The following DPYD variants were observed in gnomAD, a reference collection of about 807,000 sequenced individuals.
DPYD encodes the protein dihydropyrimidine dehydrogenase.
Under a neutral mutation model 116.2 loss-of-function variants are expected in DPYD, and 109 were observed. That is an observed-to-expected ratio of 0.94 (90% confidence interval 0.80 to 1.10). DPYD has a LOEUF of 1.10. Among genes scored for constraint, DPYD ranks in the 50% least tolerant of loss-of-function variants. The pLI is 0.00. For missense variants in DPYD, 1,302 were observed against 1,254.5 expected (o/e 1.04, Z -0.57); for synonymous variants, 440 against 432.0 (o/e 1.02, Z -0.23).
chr1:97,257,124 C>T (rs528873047), intron 18 of DPYD, among the ~76,000 whole-genome samples: 2 of 151,800 alleles, frequency 1.3e-5, no homozygotes, highest in South Asian at 2.1e-4. Context: ...TTGATTAGAA[C>T]ATTTGGCATT....
rs570832223 is a variant in DPYD, at chr1:97,888,236, G to T, written c.40-4862C>A. On this transcript the variant is annotated intron_variant, in intron 1 of 22. Coordinates refer to ENST00000370192, the MANE Select transcript of DPYD (RefSeq NM_000110.4). ...AATAGCTGATATGAAACATTCACTA[G>T]AGTTCAATAGTAGATTTGAACTAGC... Among the ~76,000 whole-genome samples, 7 of 152,112 alleles carry T rather than the reference G, an allele frequency of 4.6e-5. No individual in the cohort carries two copies. The East Asian group carries it at 7.8e-4, about 17-fold the overall frequency.
intron 16 of DPYD, among the ~76,000 whole-genome samples, chr1:97,367,539 C>G (rs1671100233): frequency 6.6e-6 from 1 of 152,050 alleles, no homozygotes; most frequent in South Asian, 2.1e-4. Flanking sequence ...AAATTCTATG[C>G]ATAGAATTGA....
chr1:97,685,994 T>C (rs549206203), intron 7 of DPYD, among the ~76,000 whole-genome samples: 1 of 152,252 alleles, frequency 6.6e-6, no homozygotes, highest in South Asian at 2.1e-4. Context: ...AAAATTCATA[T>C]GGAACCAAAA....
At chr1:97,271,969 C>T (rs891134755) in intron 18 of DPYD, among the ~76,000 whole-genome samples, 5 of 152,110 alleles carry the variant, frequency 3.3e-5, no homozygotes, top group Non-Finnish European at 5.9e-5. Flanking sequence ...TAATTGCTAG[C>T]CTCTTTCTGA....
intron 18 of DPYD, among the ~76,000 whole-genome samples, chr1:97,254,444 G>GA (rs981913749): frequency 6.0e-5 from 9 of 149,582 alleles, no homozygotes; most frequent in South Asian, 2.1e-4. Context: ...TTAGATTTCT[G>GA]AAAAAAAAAC....
At chr1:97,889,809 C>T (rs950074622) in intron 1 of DPYD, among the ~76,000 whole-genome samples, 2 of 151,916 alleles carry the variant, frequency 1.3e-5, no homozygotes, top group Admixed American at 1.3e-4. Context: ...ACATTCTTCT[C>T]AACTCTATAT....
chr1:97,110,806 T>C (rs929023943), intron 20 of DPYD, among the ~76,000 whole-genome samples: 6 of 152,100 alleles, frequency 3.9e-5, no homozygotes, highest in Non-Finnish European at 8.8e-5. Flanking sequence ...GGCCACATTT[T>C]TGTTTGTGCT....
intron 18 of DPYD, 149 bp from the exon 19 acceptor site, chr1:97,235,143 G>A: frequency 1.2e-6 from 1 of 857,022 alleles, no homozygotes; most frequent in Non-Finnish European, 1.8e-6. Flanking sequence ...TACATATGTA[G>A]TGTATAAATG....
intron 8 of DPYD, among the ~76,000 whole-genome samples, chr1:97,664,439 G>A (rs535091683): frequency 6.6e-6 from 1 of 151,734 alleles, no homozygotes; most frequent in East Asian, 1.9e-4. Context: ...TTAAACTATA[G>A]CTTAAAGTAC....
intron 14 of DPYD, among the ~76,000 whole-genome samples, chr1:97,406,790 A>T (rs1673684070): frequency 6.6e-6 from 1 of 152,142 alleles, no homozygotes. Flanking sequence ...TATTGATATT[A>T]ATCTACAATA....
Position 97,192,011 on chromosome 1 carries a change from C to T in DPYD, c.2622+1058G>A, listed in dbSNP as rs570655419. 2.0e-5 allele frequency among the ~76,000 whole-genome samples: 3 copies of T among 152,252 alleles called. No individual in the cohort carries two copies. The South Asian group carries it at 6.2e-4, about 32-fold the overall frequency. ...GATTGCCACTCATGGAGTCATTCATCATGACATTTTCCTGGAACCCACATT... is the reference window on the plus strand; with the variant it reads ...GATTGCCACTCATGGAGTCATTCATTATGACATTTTCCTGGAACCCACATT... On this transcript the variant is annotated intron_variant, in intron 20 of 22. Transcript: ENST00000370192.
rs566916197 is a variant in DPYD, at chr1:97,736,802, C to T, written c.321+3590G>A. ...CTCTGCAGGATTATGGCTTGTGTAC[C>T]CTCTAGGAATATAACAGAGATAGAG... On this transcript the variant is annotated intron_variant, in intron 4 of 22. Transcript: ENST00000370192. 1.2e-3 allele frequency among the ~76,000 whole-genome samples: 186 copies of T among 151,108 alleles called. No homozygotes were observed. In the Middle Eastern group the frequency reaches 0.024, roughly 19 times the overall value.
In DPYD at chr1:97,234,874, T is replaced by G. The variant is rs1335150891; in HGVS notation, c.2420A>C (p.His807Pro). Reference sequence around the variant, plus strand: ...TACCTGGAGGACGGAAGCACCACTATGGAGAAACTGAAGACCACTTTCAGC... The same window carrying G: ...TACCTGGAGGACGGAAGCACCACTAGGGAGAAACTGAAGACCACTTTCAGC... ...DSAESGLQFL[H>P]SGASVLQVCS... Residue 807 changes from histidine to proline, a missense_variant, in exon 19 of 23, where the codon CAT becomes CCT. His to Pro is a moderately conservative substitution (Grantham distance 77, BLOSUM62 -2). Coordinates refer to ENST00000370192, the MANE Select transcript of DPYD (RefSeq NM_000110.4). 1 of 1,613,806 alleles carries G rather than the reference T, an allele frequency of 6.2e-7. No homozygotes were observed. The highest frequency in any genetic ancestry group is 8.5e-7 in the Non-Finnish European group (1 of 1,179,962).
rs544122783 is a variant in DPYD, at chr1:97,171,511, G to A, written c.2622+21558C>T. On this transcript the variant is annotated intron_variant, in intron 20 of 22. Transcript: ENST00000370192. ...GTGGTAGAATGTAGTAGGCAAGTGC[G>A]GAGGTTTTGTGAGCACACAGACCAG... Among the ~76,000 whole-genome samples, 14 of 152,268 alleles carry A rather than the reference G, an allele frequency of 9.2e-5. No homozygotes were observed. The South Asian group carries it at 1.5e-3, about 16-fold the overall frequency.
At chr1:97,488,897 G>A (rs1002844332) in intron 13 of DPYD, among the ~76,000 whole-genome samples, 7 of 152,194 alleles carry the variant, frequency 4.6e-5, no homozygotes, top group African/African-American at 1.4e-4. Flanking sequence ...CCTCTCAGCT[G>A]CTGCTCTGGG....
chr1:97,552,314 T>C (rs1651382855), intron 11 of DPYD, among the ~76,000 whole-genome samples: 2 of 152,164 alleles, frequency 1.3e-5, no homozygotes, highest in African/African-American at 4.8e-5. Context: ...ATTGAAGTTC[T>C]TGAAGAATGT....
At chr1:97,262,784 G>A (rs1663973572) in intron 18 of DPYD, among the ~76,000 whole-genome samples, 1 of 151,856 alleles carries the variant, frequency 6.6e-6, no homozygotes, top group African/African-American at 2.4e-5. Flanking sequence ...GTCTACAGCA[G>A]GTTCATTCTG....
chr1:97,370,661 T>C (rs1273358945), intron 16 of DPYD, among the ~76,000 whole-genome samples: 1 of 152,170 alleles, frequency 6.6e-6, no homozygotes, highest in African/African-American at 2.4e-5. Flanking sequence ...TTAAAGTTAG[T>C]TTAAAAATAA....
chr1:97,488,255 T>G (rs1204325036), intron 13 of DPYD, among the ~76,000 whole-genome samples: 1 of 152,174 alleles, frequency 6.6e-6, no homozygotes, highest in East Asian at 1.9e-4. Context: ...GGACAGATTA[T>G]GGTTTCCAGG....
Sources: gnomAD v4.1 joint callset for allele counts (sites outside exome capture counted in the v4.1 genomes callset) on GRCh38, gnomAD v4.1.1 for gene constraint, MANE v1.5 for transcripts, NCBI Gene and HGNC (gene_info 2026-07-23, HGNC 2026-07-21) for gene names.